Variants in DEFB112 observed in about 807,000 individuals in gnomAD.
The protein encoded by DEFB112 is defensin beta 112, also known as beta-defensin 112.
Under a neutral mutation model 1.1 loss-of-function variants are expected in DEFB112, and 2 were observed. The ratio of observed to expected loss-of-function variants is 1.85; its 90% CI spans 0.76 to 5.83. The LOEUF (loss-of-function observed/expected upper bound fraction) is 5.83, where lower values mean the gene tolerates loss of function less well. Ranked by LOEUF, DEFB112 falls within the 30% of genes most tolerant of loss-of-function variation. The pLI, the probability that DEFB112 is intolerant of heterozygous loss-of-function variation, is 0.05. For synonymous variants in DEFB112, 40 were observed against 31.2 expected, an observed-to-expected ratio of 1.28 and a Z score of -0.93; for missense variants, 120 against 94.4, an observed-to-expected ratio of 1.27 and a Z score of -1.12.
chr6:50,043,996 T>C (rs533641771), intron 1 of DEFB112, among the ~76,000 whole-genome samples, 195 bp from the exon 2 acceptor site: 4 of 152,226 alleles, frequency 2.6e-5, no homozygotes, highest in African/African-American at 9.6e-5. Context: ...GAGGTTCCAT[T>C]CTTATGCAGT....
intron 1 of DEFB112, chr6:50,048,701 T>C: frequency 7.3e-7 from 1 of 1,373,344 alleles, no homozygotes; most frequent in East Asian, 2.3e-5. Flanking sequence ...AAAAAATTAC[T>C]TTAAAAGTAG....
intron 1 of DEFB112, among the ~76,000 whole-genome samples, chr6:50,044,358 A>G (rs1277031804): frequency 6.6e-6 from 1 of 152,158 alleles, no homozygotes; most frequent in Non-Finnish European, 1.5e-5. Flanking sequence ...GGAGATAGTA[A>G]ATAACCACAA....
chr6:50,048,681 C>T lies in DEFB112; in HGVS notation c.58+1131G>A, dbSNP rs111458001. On this transcript the variant is annotated intron_variant, in intron 1 of 1. Transcript: ENST00000651554. ...GTGCTAAGAGGTTGTTAAGAGCTCACTGTAAAGTGAAAAAATTACTTTAAA... is the reference window on the plus strand; with the variant it reads ...GTGCTAAGAGGTTGTTAAGAGCTCATTGTAAAGTGAAAAAATTACTTTAAA... 1.1e-3 allele frequency: 1,713 copies of T among 1,506,614 alleles called. 13 individuals are homozygous for T. In the East Asian group the frequency reaches 0.014, roughly 12 times the overall value. The allele number at this position is 1,506,614 out of a possible 1,614,324, so 93.3% of individuals were successfully genotyped here.
At position 50,043,754 on chromosome 6, in the gene DEFB112, T is replaced by C. The variant is rs535340232; in HGVS notation, c.106A>G (p.Thr36Ala). The part of the protein sequence containing the change: ...HITFSRWKSC[T>A]AIGGRCKNQC... ...TTTTTACATCGACCTCCAATCGCTG[T>C]ACATGACTTCCACCTACTAAAGGTG... Residue 36 changes from threonine to alanine, a missense_variant, in exon 2 of 2, where the codon ACA (threonine) becomes GCA (alanine). Coordinates refer to ENST00000651554, the MANE Select transcript of DEFB112 (RefSeq NM_001369057.2). The C allele has an allele frequency of 5.0e-6, 8 of 1,613,562 alleles. No homozygotes were observed. In the East Asian group the frequency reaches 1.6e-4, roughly 31 times the overall value.
chr6:50,042,397 A>G lies in DEFB112; in HGVS notation c.*1178T>C, dbSNP rs748060508. Among the ~76,000 whole-genome samples the G allele has an allele frequency of 1.1e-4, 17 of 152,164 alleles. No homozygotes were observed. The highest frequency in any genetic ancestry group is 2.4e-4 in the Non-Finnish European group (16 of 67,944). ...AGATTAACCCAAAGCTGAAATGTGT[A>G]TATGTCACAGCAGCATAAGAAACCT... On this transcript the variant is annotated 3_prime_UTR_variant, in exon 2 of 2. Transcript: ENST00000651554.
Position 50,043,695 on chromosome 6 carries a change from G to T in DEFB112, c.165C>A (p.Tyr55Ter), listed in dbSNP as rs771949147. ...QCDDSEFRIS[Y>*]CARPTTHCCV... Reference sequence around the variant, plus strand: ...AGCAATGAGTTGTAGGTCTTGCACAGTATGAAATCCTAAATTCACTATCAT... The same window carrying T: ...AGCAATGAGTTGTAGGTCTTGCACATTATGAAATCCTAAATTCACTATCAT... The change falls in exon 2 of 2, where the codon TAC becomes TAA. Residue 55 changes from tyrosine (Y) to a stop codon, truncating the protein, a stop_gained. Transcript: ENST00000651554. LOFTEE classifies it low-confidence loss of function (END_TRUNC). 1 of 1,613,532 alleles carries T rather than the reference G, an allele frequency of 6.2e-7. No homozygotes were observed. Among genetic ancestry groups the T allele is most frequent in the Non-Finnish European group, 8.5e-7 (1 of 1,179,596 alleles).
chr6:50,044,505 T>G (rs1197571703), intron 1 of DEFB112, among the ~76,000 whole-genome samples: 1 of 152,066 alleles, frequency 6.6e-6, no homozygotes, highest in East Asian at 1.9e-4. Context: ...ACAGCATAAT[T>G]TCTTCGACTT....
chr6:50,048,803 C>T (rs1393293222), intron 1 of DEFB112: 1 of 567,122 alleles, frequency 1.8e-6, no homozygotes, highest in South Asian at 2.5e-5. Context: ...AAATGATAAA[C>T]ATATAGTACA....
intron 1 of DEFB112, among the ~76,000 whole-genome samples, chr6:50,044,479 T>C (rs1774802190): frequency 6.6e-6 from 1 of 152,046 alleles, no homozygotes; most frequent in Non-Finnish European, 1.5e-5. Flanking sequence ...TTTAAAAATG[T>C]CTCTAATCTC....
intron 1 of DEFB112, among the ~76,000 whole-genome samples, chr6:50,047,020 A>G (rs1160959077): frequency 6.6e-6 from 1 of 152,202 alleles, no homozygotes; most frequent in Non-Finnish European, 1.5e-5. Context: ...TTCTTGGACA[A>G]GCCTGAAACC....
In DEFB112 at chr6:50,049,794, C is replaced by A. The variant is rs1305214795; in HGVS notation, c.58+18G>T. On this transcript the variant is annotated intron_variant, in intron 1 of 1. Coordinates refer to ENST00000651554, the MANE Select transcript of DEFB112 (RefSeq NM_001369057.2). ...AATGCTGGCCCCTTGACCCCTCTAG[C>A]AATAATATTCATATTACCTGGTGGA... Among the ~76,000 whole-genome samples the A allele has an allele frequency of 6.6e-6, 1 of 151,910 alleles. No homozygotes were observed. Among genetic ancestry groups the A allele is most frequent in the Non-Finnish European group, 1.5e-5 (1 of 67,948 alleles).
chr6:50,042,761 A>T lies in DEFB112; in HGVS notation c.*814T>A, dbSNP rs919199003. 6.6e-6 allele frequency among the ~76,000 whole-genome samples: 1 copy of T among 152,032 alleles called. No homozygotes were observed. Among genetic ancestry groups the T allele is most frequent in the Non-Finnish European group, 1.5e-5 (1 of 67,944 alleles). On this transcript the variant is annotated 3_prime_UTR_variant, in exon 2 of 2. Coordinates refer to ENST00000651554, the MANE Select transcript of DEFB112 (RefSeq NM_001369057.2). ...CATCCTTGCCACATAAATCCTGGGT[A>T]TGACAAAAATTTCTATAATAGAAAT...
At chr6:50,044,963 A>G (rs1357777434) in intron 1 of DEFB112, among the ~76,000 whole-genome samples, 1 of 151,986 alleles carries the variant, frequency 6.6e-6, no homozygotes, top group Admixed American at 6.6e-5. Flanking sequence ...TTGCAGCAAG[A>G]ATTTAAAATA....
chr6:50,043,570 T>C lies in DEFB112; in HGVS notation c.*5A>G, dbSNP rs990690961. The C allele has an allele frequency of 1.9e-6, 3 of 1,608,646 alleles. No individual in the cohort carries two copies. In the African/African-American group the frequency reaches 4.0e-5, roughly 22 times the overall value. On this transcript the variant is annotated 3_prime_UTR_variant, in exon 2 of 2. Coordinates refer to ENST00000651554, the MANE Select transcript of DEFB112 (RefSeq NM_001369057.2). ...GATGTATCATCTTCTTGTGCATGGA[T>C]TTCTTCAATGACGTGAGTCTTTAGG...
chr6:50,049,103 C>CATTATTAA (rs1774886789), intron 1 of DEFB112, among the ~76,000 whole-genome samples: 1 of 151,998 alleles, frequency 6.6e-6, no homozygotes, highest in Non-Finnish European at 1.5e-5. Context: ...TGTTGGTTTA[C>CATTATTAA]ATTATTAACT....
Position 50,042,462 on chromosome 6 carries a change from A to G in DEFB112, c.*1113T>C, listed in dbSNP as rs75060577. ...GCCTCAACTTAAATACCTTGTTACC[A>G]CATAATTTTAAGTGACTAGCTCCCT... is the stretch of plus-strand genomic sequence containing the variant. On this transcript the variant is annotated 3_prime_UTR_variant, in exon 2 of 2. Coordinates refer to ENST00000651554, the MANE Select transcript of DEFB112 (RefSeq NM_001369057.2). 0.015 allele frequency among the ~76,000 whole-genome samples: 2,305 copies of G among 152,156 alleles called. 53 individuals are homozygous for G. The highest frequency in any genetic ancestry group is 0.052 in the African/African-American group (2,168 of 41,526).
chr6:50,044,586 T>A (rs1188338096), intron 1 of DEFB112, among the ~76,000 whole-genome samples: 1 of 152,118 alleles, frequency 6.6e-6, no homozygotes, highest in East Asian at 1.9e-4. Flanking sequence ...TAACAGAAGT[T>A]CTGATCTGTA....
chr6:50,047,860 C>T (rs962969387), intron 1 of DEFB112, among the ~76,000 whole-genome samples: 1 of 152,038 alleles, frequency 6.6e-6, no homozygotes, highest in African/African-American at 2.4e-5. Flanking sequence ...AATAGTTTTG[C>T]CTTGGCCAGG....
At chr6:50,046,431 A>T (rs888616444) in intron 1 of DEFB112, among the ~76,000 whole-genome samples, 2 of 152,168 alleles carry the variant, frequency 1.3e-5, no homozygotes, top group Non-Finnish European at 2.9e-5. Context: ...TACAGGGAGA[A>T]TTTGGCTGCT....
Sources: gnomAD v4.1 joint callset for allele counts (sites outside exome capture counted in the v4.1 genomes callset) on GRCh38, gnomAD v4.1.1 for gene constraint, MANE v1.5 for transcripts, NCBI Gene and HGNC (gene_info 2026-07-23, HGNC 2026-07-21) for gene names.